Variants in APP observed in about 807,000 individuals in gnomAD.
APP encodes the protein amyloid-beta precursor protein.
In APP, 31 loss-of-function variants were observed where a neutral mutation model predicts 101.4. That is an observed-to-expected ratio of 0.31 (90% CI 0.23 to 0.41). APP has a LOEUF of 0.41. Ranked by LOEUF, APP falls within the 10% of genes least tolerant of loss-of-function variation. APP has a pLI of 1.00. For missense variants in APP, 839 were observed against 1,003.7 expected, an observed-to-expected ratio of 0.84 and a Z score of 2.22; for synonymous variants, 366 against 364.4, an observed-to-expected ratio of 1.00 and a Z score of -0.05.
intron 1 of APP, among the ~76,000 whole-genome samples, chr21:26,137,016 C>A (rs1287883474): frequency 6.6e-6 from 1 of 150,682 alleles, no homozygotes; most frequent in Non-Finnish European, 1.5e-5. Flanking sequence ...GCTCACTGCA[C>A]CTATGCCTCC....
intron 17 of APP, among the ~76,000 whole-genome samples, chr21:25,890,345 C>T (rs1242967851): frequency 6.6e-6 from 1 of 152,174 alleles, no homozygotes; most frequent in Non-Finnish European, 1.5e-5. Context: ...TTTATTTAAA[C>T]TCTGCCTGTC....
chr21:26,048,360 A>C (rs1168702513), intron 5 of APP, among the ~76,000 whole-genome samples: 1 of 152,084 alleles, frequency 6.6e-6, no homozygotes, highest in Non-Finnish European at 1.5e-5. Context: ...CTCACATTAC[A>C]TTTGTATTAG....
At chr21:26,142,764 G>A (rs369710379) in intron 1 of APP, among the ~76,000 whole-genome samples, 2 of 151,002 alleles carry the variant, frequency 1.3e-5, no homozygotes, top group East Asian at 3.9e-4. Context: ...CTGAGATCCT[G>A]TCTCAAAAAA....
chr21:26,008,460 G>A (rs571184135), intron 6 of APP, among the ~76,000 whole-genome samples: 1 of 152,278 alleles, frequency 6.6e-6, no homozygotes, highest in East Asian at 1.9e-4. Flanking sequence ...AAGGGGAAGT[G>A]CTTTTTCTTA....
chr21:26,134,444 T>C (rs1454620727), intron 1 of APP, among the ~76,000 whole-genome samples: 2 of 152,182 alleles, frequency 1.3e-5, no homozygotes, highest in Admixed American at 1.3e-4. Context: ...CTAAGAGAAA[T>C]ACTTGCTTAC....
At chr21:26,160,904 T>G (rs1232236107) in intron 1 of APP, among the ~76,000 whole-genome samples, 1 of 152,206 alleles carries the variant, frequency 6.6e-6, no homozygotes, top group Non-Finnish European at 1.5e-5. Context: ...CTGAACGTGA[T>G]GTATTGACAG....
chr21:25,946,524 GA>G (rs2040829352), intron 13 of APP, among the ~76,000 whole-genome samples: 2 of 152,052 alleles, frequency 1.3e-5, no homozygotes, highest in Admixed American at 6.5e-5. Flanking sequence ...AAATTAGCTG[GA>G]TGTGGTGGCA....
chr21:26,000,745 C>G (rs1312022091), intron 6 of APP, among the ~76,000 whole-genome samples: 2 of 152,050 alleles, frequency 1.3e-5, no homozygotes, highest in African/African-American at 4.8e-5. Context: ...GTGACTTATA[C>G]TCAATGACAT....
chr21:26,032,063 A>C (rs2044854517), intron 5 of APP, among the ~76,000 whole-genome samples: 1 of 152,244 alleles, frequency 6.6e-6, no homozygotes, highest in Non-Finnish European at 1.5e-5. Context: ...TGTATCATAA[A>C]GGTAAAGATG....
intron 3 of APP, among the ~76,000 whole-genome samples, chr21:26,072,396 C>T (rs950844618): frequency 6.6e-6 from 1 of 152,154 alleles, no homozygotes; most frequent in Non-Finnish European, 1.5e-5. Flanking sequence ...ACTGTAAGCT[C>T]TCCTCACACT....
At chr21:25,990,831 T>C (rs1287833513) in intron 8 of APP, among the ~76,000 whole-genome samples, 1 of 152,184 alleles carries the variant, frequency 6.6e-6, no homozygotes. Context: ...ATTCCTTTGC[T>C]GGTGTCTCTC....
At chr21:26,039,937 C>T (rs2045296920) in intron 5 of APP, among the ~76,000 whole-genome samples, 1 of 152,090 alleles carries the variant, frequency 6.6e-6, no homozygotes, top group African/African-American at 2.4e-5. Flanking sequence ...ACTGTATTTA[C>T]AGATTGAGTA....
chr21:26,076,323 C>A (rs1449040072), intron 3 of APP, among the ~76,000 whole-genome samples: 1 of 152,162 alleles, frequency 6.6e-6, no homozygotes, highest in Non-Finnish European at 1.5e-5. Context: ...CTCCCTACCT[C>A]CTATGCTCAC....
intron 5 of APP, among the ~76,000 whole-genome samples, chr21:26,046,510 C>G (rs181513563): frequency 1.2e-3 from 179 of 151,244 alleles, no homozygotes; most frequent in African/African-American, 4.1e-3. Flanking sequence ...TCCTCCAGAT[C>G]TTAAGCAGCT....
intron 3 of APP, among the ~76,000 whole-genome samples, chr21:26,080,002 T>G (rs1431504358): frequency 6.6e-6 from 1 of 152,136 alleles, no homozygotes; most frequent in African/African-American, 2.4e-5. Flanking sequence ...TGCACGCCTG[T>G]AATCCCAGCT....
At chr21:26,056,900 T>C (rs1440204271) in intron 3 of APP, among the ~76,000 whole-genome samples, 1 of 152,224 alleles carries the variant, frequency 6.6e-6, no homozygotes, top group Non-Finnish European at 1.5e-5. Context: ...ACATCAGAAA[T>C]TGTAAGCGAT....
intron 13 of APP, chr21:25,933,905 G>T (rs1267712629): frequency 6.6e-6 from 1 of 152,050 alleles, no homozygotes; most frequent in Non-Finnish European, 1.5e-5. Context: ...AAAAGTCAAG[G>T]AAAATAAAAA....
At chr21:26,084,311 T>C (rs370654784) in intron 3 of APP, among the ~76,000 whole-genome samples, 1 of 139,644 alleles carries the variant, frequency 7.2e-6, no homozygotes, top group East Asian at 2.2e-4. Flanking sequence ...CGATCTCGGC[T>C]CACGGCAAGC....
At chr21:26,020,764 A>G (rs2146774199) in intron 6 of APP, among the ~76,000 whole-genome samples, 1 of 152,328 alleles carries the variant, frequency 6.6e-6, no homozygotes, top group South Asian at 2.1e-4. Flanking sequence ...CATACTCTTT[A>G]AGGAACTCAA....
Sources: gnomAD v4.1 joint callset for allele counts (sites outside exome capture counted in the v4.1 genomes callset) on GRCh38, gnomAD v4.1.1 for gene constraint, MANE v1.5 for transcripts, NCBI Gene and HGNC (gene_info 2026-07-23, HGNC 2026-07-21) for gene names.